Variants in BNC2 observed in about 807,000 individuals in gnomAD.
BNC2 encodes the protein basonuclin zinc finger protein 2, also known as zinc finger protein basonuclin-2.
BNC2 carries 20 observed loss-of-function variants against 76.3 expected under a neutral mutation model. That is an observed-to-expected ratio of 0.26 (90% CI 0.18 to 0.38). The LOEUF (loss-of-function observed/expected upper bound fraction) is 0.38. Ranked by LOEUF, BNC2 falls within the 10% of genes least tolerant of loss-of-function variation. The pLI is 1.00. For synonymous variants in BNC2, 582 were observed against 514.8 expected, an observed-to-expected ratio of 1.13 and a Z score of -1.77; for missense variants, 1,382 against 1,399.8, an observed-to-expected ratio of 0.99 and a Z score of 0.20.
At chr9:16,614,751 A>T (rs1820647840) in intron 3 of BNC2, among the ~76,000 whole-genome samples, 1 of 151,984 alleles carries the variant, frequency 6.6e-6, no homozygotes, top group South Asian at 2.1e-4. Flanking sequence ...ATTCAAGACC[A>T]GCCTTGGCAA....
chr9:16,819,383 C>A (rs917911354), intron 1 of BNC2, among the ~76,000 whole-genome samples: 1 of 152,196 alleles, frequency 6.6e-6, no homozygotes, highest in African/African-American at 2.4e-5. Flanking sequence ...GCAGTCCAGG[C>A]TGGGCACAAT....
At chr9:16,661,995 A>G (rs1822124075) in intron 3 of BNC2, among the ~76,000 whole-genome samples, 1 of 152,200 alleles carries the variant, frequency 6.6e-6, no homozygotes, top group South Asian at 2.1e-4. Context: ...TCTTTAAACC[A>G]CTAGTTATTT....
At position 16,410,789 on chromosome 9, in the gene BNC2, A is replaced by G. The variant is rs1820442714; in HGVS notation, c.*8200T>C. ...GACAATGGAAAAGTCAGAGGAGATT[A>G]AGATACACAATGAGAGGAATGGATT... On this transcript the variant is annotated 3_prime_UTR_variant, in exon 7 of 7. Transcript: ENST00000380672. 6.6e-6 allele frequency: 1 copy of G among 152,200 alleles called. No homozygotes were observed. Among genetic ancestry groups the G allele is most frequent in the Non-Finnish European group, 1.5e-5 (1 of 68,028 alleles). The allele number at this position is 152,200 out of a possible 1,614,324, so 9.4% of individuals were successfully genotyped here.
chr9:16,567,414 G>T lies in BNC2; in HGVS notation c.434-14649C>A, dbSNP rs148032694. ...TCAAATGTATAAAATAGTGCTGGGG[G>T]TGGGTGAGGGGTAGTTATAAAAGAA... On this transcript the variant is annotated intron_variant, in intron 4 of 6. Transcript: ENST00000380672. Among the ~76,000 whole-genome samples, 3 of 152,236 alleles carry T rather than the reference G, an allele frequency of 2.0e-5. No homozygotes were observed. The East Asian group carries it at 5.8e-4, about 29-fold the overall frequency.
chr9:16,850,027 C>T (rs536398646), intron 1 of BNC2, among the ~76,000 whole-genome samples: 4 of 152,126 alleles, frequency 2.6e-5, no homozygotes, highest in Non-Finnish European at 1.5e-5. Flanking sequence ...ATTTGCTCAA[C>T]TAAAAAAACA....
At chr9:16,540,087 A>G (rs1818271353) in intron 5 of BNC2, among the ~76,000 whole-genome samples, 1 of 151,658 alleles carries the variant, frequency 6.6e-6, no homozygotes, top group African/African-American at 2.4e-5. Context: ...AAAAATTAAC[A>G]TGCATAGTAA....
At chr9:16,710,980 A>G (rs1823819908) in intron 3 of BNC2, among the ~76,000 whole-genome samples, 1 of 152,256 alleles carries the variant, frequency 6.6e-6, no homozygotes, top group Non-Finnish European at 1.5e-5. Context: ...CTATTCCCCA[A>G]ACTGTTCGCG....
chr9:16,607,798 T>C (rs1820425942), intron 3 of BNC2, among the ~76,000 whole-genome samples: 1 of 152,206 alleles, frequency 6.6e-6, no homozygotes, highest in African/African-American at 2.4e-5. Flanking sequence ...TAGTTCCAAC[T>C]CTAGTGACCT....
At chr9:16,674,783 G>C (rs1342908013) in intron 3 of BNC2, among the ~76,000 whole-genome samples, 1 of 152,168 alleles carries the variant, frequency 6.6e-6, no homozygotes, top group African/African-American at 2.4e-5. Context: ...TTGATTTCAA[G>C]GGGACTTGGT....
intron 3 of BNC2, among the ~76,000 whole-genome samples, chr9:16,626,669 T>C (rs1190777342): frequency 6.6e-6 from 1 of 151,864 alleles, no homozygotes; most frequent in Non-Finnish European, 1.5e-5. Context: ...CTACGAAACG[T>C]AAAAGGCAAA....
intron 3 of BNC2, among the ~76,000 whole-genome samples, chr9:16,708,916 T>C (rs779600411): frequency 6.6e-6 from 1 of 151,936 alleles, no homozygotes; most frequent in Non-Finnish European, 1.5e-5. Context: ...ACTCAGAAAA[T>C]GCATTCTCAA....
chr9:16,414,415 C>T lies in BNC2; in HGVS notation c.*4574G>A, dbSNP rs1484100961. 6.6e-6 allele frequency: 1 copy of T among 152,044 alleles called. No individual in the cohort carries two copies. Among genetic ancestry groups the T allele is most frequent in the East Asian group, 1.9e-4 (1 of 5,188 alleles). The allele number at this position is 152,044 out of a possible 1,614,324, so 9.4% of individuals were successfully genotyped here. A position where few individuals can be genotyped will look rare whatever the true frequency, so the allele number is the denominator to read the frequency against. ...TCATCTTACTCATTTAGATCCATCC[C>T]CAAAAAATAAACAATGAGAGGGAAA... On this transcript the variant is annotated 3_prime_UTR_variant, in exon 7 of 7. Coordinates refer to ENST00000380672, the MANE Select transcript of BNC2 (RefSeq NM_017637.6).
chr9:16,577,071 T>C (rs908316818), intron 4 of BNC2, among the ~76,000 whole-genome samples: 2 of 152,312 alleles, frequency 1.3e-5, no homozygotes, highest in East Asian at 1.9e-4. Flanking sequence ...TTATGACCAA[T>C]AGCCCTGATT....
intron 3 of BNC2, among the ~76,000 whole-genome samples, chr9:16,599,770 G>A (rs1308714132): frequency 1.3e-5 from 2 of 152,138 alleles, no homozygotes; most frequent in Non-Finnish European, 2.9e-5. Context: ...GCGAAAGAGC[G>A]AGTCTCCATG....
At chr9:16,505,718 A>G (rs1449289352) in intron 5 of BNC2, among the ~76,000 whole-genome samples, 1 of 152,146 alleles carries the variant, frequency 6.6e-6, no homozygotes, top group Non-Finnish European at 1.5e-5. Context: ...AAAAAATCAT[A>G]TATAGTTCCC....
intron 3 of BNC2, among the ~76,000 whole-genome samples, chr9:16,670,899 C>T (rs186893281): frequency 2.3e-4 from 35 of 152,228 alleles, no homozygotes; most frequent in Non-Finnish European, 1.3e-4. Context: ...TTATTCTAGC[C>T]GCATGAACCA....
At chr9:16,738,318 G>C in intron 2 of BNC2, 42 bp downstream of exon 2, 1 of 1,585,182 alleles carries the variant, frequency 6.3e-7, no homozygotes, top group South Asian at 1.1e-5. Context: ...GAATGCAAGT[G>C]TGTCCAAGTA....
chr9:16,815,944 C>A (rs1196207704), intron 1 of BNC2, among the ~76,000 whole-genome samples: 2 of 152,034 alleles, frequency 1.3e-5, no homozygotes, highest in Non-Finnish European at 2.9e-5. Context: ...ACCAGCCATG[C>A]CTAAAATATT....
intron 3 of BNC2, among the ~76,000 whole-genome samples, chr9:16,677,578 A>AACACACACACACACACACACACACACAC (rs57587457): frequency 6.8e-4 from 95 of 139,332 alleles, no homozygotes; most frequent in African/African-American, 1.9e-3. Context: ...GTCTCAAACA[A>AACACACACACACACACACACACACACAC]ACACACACAC....
Sources: allele counts gnomAD v4.1 joint callset (sites outside exome capture counted in the v4.1 genomes callset), GRCh38; gene constraint gnomAD v4.1.1; transcripts MANE v1.5; gene names NCBI Gene and HGNC (gene_info 2026-07-23, HGNC 2026-07-21).